The following DMGDH variants were observed in gnomAD, a reference collection of about 807,000 sequenced individuals.
DMGDH encodes dimethylglycine dehydrogenase, mitochondrial.
A neutral mutation model predicts 95.2 loss-of-function variants in DMGDH; 76 were observed. That is an observed-to-expected ratio of 0.80 (90% CI 0.66 to 0.97). The LOEUF (loss-of-function observed/expected upper bound fraction) is 0.97, where lower values mean the gene tolerates loss of function less well. Among genes scored for constraint, DMGDH ranks in the 50% least tolerant of loss-of-function variants. DMGDH has a pLI of 0.00. For missense variants in DMGDH, 987 were observed against 1,055.0 expected (o/e 0.94, Z 0.89); for synonymous variants, 345 against 377.6 (o/e 0.91, Z 1.00).
In DMGDH at chr5:79,006,853, A is replaced by ACCCGCCG. The variant is rs4021026; in HGVS notation, c.2251-1447_2251-1446insCGGCGGG. Among the ~76,000 whole-genome samples, 6 of 149,140 alleles carry ACCCGCCG rather than the reference A, an allele frequency of 4.0e-5. 1 individual carries two copies. The highest frequency in any genetic ancestry group is 4.3e-4 in the South Asian group (2 of 4,702). Reference sequence around the variant, plus strand: ...ACACACCCTCACCTGAGACCCCCCCAGTCCATTCCTTTCCTAGTTTAGAAC... The same window carrying ACCCGCCG: ...ACACACCCTCACCTGAGACCCCCCCACCCGCCGGTCCATTCCTTTCCTAGTTTAGAAC... On this transcript the variant is annotated intron_variant, in intron 14 of 15. Coordinates refer to ENST00000255189, the MANE Select transcript of DMGDH (RefSeq NM_013391.3).
At chr5:79,034,507 T>A (rs1351265324) in intron 7 of DMGDH, among the ~76,000 whole-genome samples, 2 of 152,058 alleles carry the variant, frequency 1.3e-5, no homozygotes, top group Non-Finnish European at 2.9e-5. Flanking sequence ...CTACTGTGGG[T>A]TTATGTGTGG....
At chr5:79,001,093 G>A (rs1753445287) in intron 15 of DMGDH, 1 of 637,258 alleles carries the variant, frequency 1.6e-6, no homozygotes, top group African/African-American at 1.8e-5. Context: ...TCCTGCCTTT[G>A]GTTACTCCCT....
At chr5:79,010,726 G>T in intron 14 of DMGDH, among the ~76,000 whole-genome samples, 1 of 152,098 alleles carries the variant, frequency 6.6e-6, no homozygotes, top group East Asian at 1.9e-4. Context: ...CACCCTCATA[G>T]AAAGTTCTAG....
chr5:79,060,617 G>T (rs184321667), intron 2 of DMGDH, among the ~76,000 whole-genome samples: 1 of 151,894 alleles, frequency 6.6e-6, no homozygotes, highest in African/African-American at 2.4e-5. Flanking sequence ...CAAATATCTC[G>T]GTGTTAAAAA....
At position 79,031,079 on chromosome 5, in the gene DMGDH, T is replaced by G. The variant is rs1754162483; in HGVS notation, c.1518-81A>C. On this transcript the variant is annotated intron_variant, in intron 9 of 15. Coordinates refer to ENST00000255189, the MANE Select transcript of DMGDH (RefSeq NM_013391.3). ...CAGAATACGATATTTTAATAAGCCCTACTCATCTAGAAAATCCTACGGGCA... is the reference window on the plus strand; with the variant it reads ...CAGAATACGATATTTTAATAAGCCCGACTCATCTAGAAAATCCTACGGGCA... 13 of 1,500,314 alleles carry G rather than the reference T, an allele frequency of 8.7e-6. No individual in the cohort carries two copies. In the South Asian group the frequency reaches 1.3e-4, roughly 15 times the overall value. The allele number at this position is 1,500,314 out of a possible 1,614,324, so 92.9% of individuals were successfully genotyped here.
intron 7 of DMGDH, among the ~76,000 whole-genome samples, chr5:79,035,318 T>C (rs1561218713): frequency 6.6e-6 from 1 of 152,208 alleles, no homozygotes; most frequent in Non-Finnish European, 1.5e-5. Flanking sequence ...TGAAGGCTTA[T>C]GAAGTTCTAC....
intron 7 of DMGDH, 100 bp from the exon 8 acceptor site, chr5:79,033,508 G>C: frequency 5.8e-6 from 8 of 1,383,812 alleles, no homozygotes; most frequent in Non-Finnish European, 8.1e-6. Context: ...GGACTGTTCT[G>C]TGCTAATCAG....
At chr5:79,030,549 G>T (rs1754132338) in intron 10 of DMGDH, 2 of 333,010 alleles carry the variant, frequency 6.0e-6, no homozygotes, top group South Asian at 6.4e-5. Flanking sequence ...GGGAAACTGA[G>T]GCAGGAGAAT....
intron 5 of DMGDH, 96 bp from the exon 6 acceptor site, chr5:79,044,648 G>T: frequency 7.2e-7 from 1 of 1,393,210 alleles, no homozygotes; most frequent in Non-Finnish European, 9.9e-7. Context: ...TGTTTAGAAG[G>T]CTTAAGTACT....
At chr5:79,068,718 C>A (rs2112685599) in intron 1 of DMGDH, among the ~76,000 whole-genome samples, 1 of 152,332 alleles carries the variant, frequency 6.6e-6, no homozygotes, top group South Asian at 2.1e-4. Flanking sequence ...CAGGAATAAT[C>A]TACAAATATA....
chr5:79,020,198 G>A (rs1185582449), intron 14 of DMGDH, among the ~76,000 whole-genome samples: 1 of 152,202 alleles, frequency 6.6e-6, no homozygotes. Flanking sequence ...ACTGATGCCT[G>A]AGTCCCTACA....
In DMGDH at chr5:79,001,126, C is replaced by T. The variant is rs1046426189; in HGVS notation, c.2386-2829G>A. 4 of 562,344 alleles carry T rather than the reference C, an allele frequency of 7.1e-6. No individual in the cohort carries two copies. In the South Asian group the frequency reaches 1.2e-4, roughly 16 times the overall value. The allele number at this position is 562,344 out of a possible 1,614,324, so 34.8% of individuals were successfully genotyped here. ...CCTGCGTCCCCCTCAGCCATGTAGC[C>T]CTGGAAGCAGCTCTGCGGCTGCACC... On this transcript the variant is annotated intron_variant, in intron 15 of 15. Coordinates refer to ENST00000255189, the MANE Select transcript of DMGDH (RefSeq NM_013391.3).
chr5:79,039,717 AAAT>A (rs911777206), intron 7 of DMGDH, among the ~76,000 whole-genome samples: 4 of 151,736 alleles, frequency 2.6e-5, no homozygotes, highest in Non-Finnish European at 2.9e-5. Context: ...TAATAATAAT[AAAT>A]AATAATAATA....
chr5:79,033,735 G>A (rs7703637), intron 7 of DMGDH, among the ~76,000 whole-genome samples: 8 of 152,056 alleles, frequency 5.3e-5, no homozygotes, highest in African/African-American at 1.9e-4. Flanking sequence ...GTTCGAGAAC[G>A]GCCTGGCCAA....
intron 14 of DMGDH, chr5:79,021,141 TTACCGCAGCTTTGGTCAAGGC>T (rs1753856931): frequency 4.1e-6 from 4 of 987,286 alleles, no homozygotes; most frequent in Non-Finnish European, 4.8e-6. Flanking sequence ...TCAATTATTT[TTACCGCAGCTTTGGTCAAGGC>T]TTCCTGAAGT....
intron 14 of DMGDH, chr5:79,020,811 A>C: frequency 1.0e-6 from 1 of 985,346 alleles, no homozygotes; most frequent in Non-Finnish European, 1.2e-6. Flanking sequence ...ATAGAAAACA[A>C]ATTCTTCTGA....
chr5:79,011,867 C>G (rs1167943129), intron 14 of DMGDH, among the ~76,000 whole-genome samples: 2 of 152,172 alleles, frequency 1.3e-5, no homozygotes, highest in African/African-American at 4.8e-5. Flanking sequence ...ATGATCCAAT[C>G]ACCTCTCATC....
intron 7 of DMGDH, among the ~76,000 whole-genome samples, chr5:79,040,904 C>G (rs1053050367): frequency 7.1e-6 from 1 of 140,472 alleles, no homozygotes; most frequent in African/African-American, 2.4e-5. Context: ...ACTATAAAAC[C>G]CTCAATTACA....
chr5:78,999,313 CAT>C (rs1160391203), intron 15 of DMGDH, among the ~76,000 whole-genome samples: 2 of 152,094 alleles, frequency 1.3e-5, no homozygotes, highest in Non-Finnish European at 2.9e-5. Flanking sequence ...AGAAGCTCTC[CAT>C]ATGATTTCTC....
Sources: gnomAD v4.1 joint callset for allele counts (sites outside exome capture counted in the v4.1 genomes callset) on GRCh38, gnomAD v4.1.1 for gene constraint, MANE v1.5 for transcripts, NCBI Gene and HGNC (gene_info 2026-07-23, HGNC 2026-07-21) for gene names.